The following NKAIN3 variants were observed in gnomAD, a reference collection of about 807,000 sequenced individuals.
NKAIN3 encodes the protein sodium/potassium-transporting ATPase subunit beta-1-interacting protein 3.
NKAIN3 carries 25 observed loss-of-function variants against 30.2 expected under a neutral mutation model. That is an observed-to-expected ratio of 0.83 (90% CI 0.60 to 1.16). The LOEUF is 1.16. NKAIN3 is among the 50% of genes most tolerant of loss of function. The pLI is 0.00. For synonymous variants in NKAIN3, 91 were observed against 89.6 expected (o/e 1.02, Z -0.09); for missense variants, 225 against 254.1 (o/e 0.89, Z 0.78).
intron 1 of NKAIN3, among the ~76,000 whole-genome samples, chr8:62,350,591 C>T (rs189110348): frequency 6.6e-6 from 1 of 152,096 alleles, no homozygotes; most frequent in African/African-American, 2.4e-5. Context: ...CTGAAATGTA[C>T]ACTAATAAAT....
In NKAIN3 at chr8:62,969,203, A is replaced by G. The variant is rs186701273; in HGVS notation, c.*3796A>G. Among the ~76,000 whole-genome samples, 193 of 152,338 alleles carry G rather than the reference A, an allele frequency of 1.3e-3. No individual in the cohort carries two copies. The highest frequency in any genetic ancestry group is 4.3e-3 in the African/African-American group (178 of 41,592). On this transcript the variant is annotated 3_prime_UTR_variant, in exon 7 of 7. Coordinates refer to ENST00000623646, the MANE Select transcript of NKAIN3 (RefSeq NM_001304533.3). ...CAGAAAAATAAGCCCTGTTATTCCT[A>G]TAGACCTAAATAAGGGAGGCAGCCA...
chr8:62,803,853 T>A (rs1261590431), intron 4 of NKAIN3, among the ~76,000 whole-genome samples: 1 of 151,806 alleles, frequency 6.6e-6, no homozygotes, highest in Non-Finnish European at 1.5e-5. Flanking sequence ...TCAACAAAAT[T>A]GATAGACTGC....
chr8:62,898,384 C>A (rs188418681), intron 4 of NKAIN3, among the ~76,000 whole-genome samples: 1 of 151,984 alleles, frequency 6.6e-6, no homozygotes, highest in Non-Finnish European at 1.5e-5. Flanking sequence ...TACCCAGCCA[C>A]AAAAAAGAAT....
At chr8:62,794,173 C>G (rs1276214071) in intron 4 of NKAIN3, among the ~76,000 whole-genome samples, 1 of 152,176 alleles carries the variant, frequency 6.6e-6, no homozygotes, top group Admixed American at 6.6e-5. Flanking sequence ...GTAGCCTTTG[C>G]ACATAAAGCC....
At chr8:62,897,128 T>C (rs1869731) in intron 4 of NKAIN3, among the ~76,000 whole-genome samples, 116,382 of 152,054 alleles carry the variant, frequency 0.77, 45,225 homozygotes, top group East Asian at 0.98. Context: ...GTAAAGATAA[T>C]GAAGGAACAC....
intron 1 of NKAIN3, among the ~76,000 whole-genome samples, chr8:62,279,064 G>A (rs552036806): frequency 6.6e-6 from 1 of 152,070 alleles, no homozygotes; most frequent in Non-Finnish European, 1.5e-5. Flanking sequence ...TTTAATGATT[G>A]CCATTCTAAC....
At chr8:62,321,998 C>G (rs977929194) in intron 1 of NKAIN3, among the ~76,000 whole-genome samples, 3 of 152,206 alleles carry the variant, frequency 2.0e-5, no homozygotes, top group Non-Finnish European at 4.4e-5. Flanking sequence ...TTCCAGGCCA[C>G]TTTGTTTACC....
Position 62,983,833 on chromosome 8 carries a change from A to C in NKAIN3, c.*18426A>C, listed in dbSNP as rs1172116718. ...AAAGAGCACGTCTACAGCTCCTAACAATCAAAAACAACTATGAACACTGCT... is the reference window on the plus strand; with the variant it reads ...AAAGAGCACGTCTACAGCTCCTAACCATCAAAAACAACTATGAACACTGCT... On this transcript the variant is annotated 3_prime_UTR_variant, in exon 7 of 7. Coordinates refer to ENST00000623646, the MANE Select transcript of NKAIN3 (RefSeq NM_001304533.3). 1.3e-5 allele frequency: 2 copies of C among 152,226 alleles called. No individual in the cohort carries two copies. Among genetic ancestry groups the C allele is most frequent in the East Asian group, 3.8e-4 (2 of 5,198 alleles). The allele number at this position is 152,226 out of a possible 1,614,324, so 9.4% of individuals were successfully genotyped here.
chr8:62,853,982 G>A (rs1819988297), intron 4 of NKAIN3, among the ~76,000 whole-genome samples: 2 of 152,158 alleles, frequency 1.3e-5, no homozygotes, highest in South Asian at 4.1e-4. Flanking sequence ...GAAGCAGGTT[G>A]TTCAGTTTCA....
At chr8:62,397,274 C>G (rs1002547876) in intron 1 of NKAIN3, among the ~76,000 whole-genome samples, 24 of 151,524 alleles carry the variant, frequency 1.6e-4, no homozygotes, top group Admixed American at 1.5e-3. Context: ...AAAAAAAAAG[C>G]ACAATGAACC....
At chr8:62,688,796 T>G (rs1362107096) in intron 3 of NKAIN3, among the ~76,000 whole-genome samples, 2 of 151,542 alleles carry the variant, frequency 1.3e-5, no homozygotes, top group African/African-American at 2.4e-5. Context: ...TTCTCTCCCC[T>G]TACAGAGTCT....
intron 3 of NKAIN3, among the ~76,000 whole-genome samples, chr8:62,626,453 G>A (rs913400786): frequency 1.3e-5 from 2 of 152,078 alleles, no homozygotes; most frequent in Non-Finnish European, 2.9e-5. Context: ...AGAGGCATGA[G>A]GTCATGGTTG....
intron 5 of NKAIN3, among the ~76,000 whole-genome samples, chr8:62,994,240 T>A (rs1003821990): frequency 6.6e-6 from 1 of 152,188 alleles, no homozygotes; most frequent in African/African-American, 2.4e-5. Flanking sequence ...ACTGCTTACA[T>A]AAATTATGGT....
intron 1 of NKAIN3, among the ~76,000 whole-genome samples, chr8:62,418,889 C>G (rs1804543247): frequency 6.6e-6 from 1 of 152,134 alleles, no homozygotes; most frequent in African/African-American, 2.4e-5. Flanking sequence ...CTGTATGAAC[C>G]AGGGAAGGTT....
At chr8:62,789,527 C>G (rs1274497941) in intron 4 of NKAIN3, among the ~76,000 whole-genome samples, 1 of 152,052 alleles carries the variant, frequency 6.6e-6, no homozygotes, top group Non-Finnish European at 1.5e-5. Context: ...CCCTGTATTT[C>G]CTTCTCCTGC....
chr8:62,962,102 CAT>C (rs1342996498), intron 6 of NKAIN3, among the ~76,000 whole-genome samples: 1 of 152,102 alleles, frequency 6.6e-6, no homozygotes, highest in Non-Finnish European at 1.5e-5. Flanking sequence ...ATGTTTACTA[CAT>C]AGAAAATGTG....
At chr8:62,988,296 A>C (rs2168317), downstream of NKAIN3, among the ~76,000 whole-genome samples, 27,665 of 152,138 alleles carry the variant, frequency 0.18, 2,621 homozygotes, top group East Asian at 0.38. Context: ...CCTCTTCTTG[A>C]AGCTCCACTA....
chr8:62,704,219 T>G (rs1814441935), intron 3 of NKAIN3, among the ~76,000 whole-genome samples: 1 of 152,228 alleles, frequency 6.6e-6, no homozygotes, highest in East Asian at 1.9e-4. Flanking sequence ...GAAGATTTTT[T>G]AACTGTATTT....
At chr8:62,256,601 T>TC (rs1030293765) in intron 1 of NKAIN3, among the ~76,000 whole-genome samples, 8 of 152,184 alleles carry the variant, frequency 5.3e-5, no homozygotes, top group African/African-American at 1.7e-4. Flanking sequence ...AGACTGCCTG[T>TC]CCTCTGCACA....
Sources: gnomAD v4.1 joint callset for allele counts (sites outside exome capture counted in the v4.1 genomes callset) on GRCh38, gnomAD v4.1.1 for gene constraint, MANE v1.5 for transcripts, NCBI Gene and HGNC (gene_info 2026-07-23, HGNC 2026-07-21) for gene names.